Variants in FNDC3B observed in about 807,000 individuals in gnomAD.
The protein encoded by FNDC3B is fibronectin type III domain-containing protein 3B.
FNDC3B carries 12 observed loss-of-function variants against 151.5 expected under a neutral mutation model. The observed-to-expected ratio is 0.08, with a 90% confidence interval of 0.05 to 0.13. The LOEUF is 0.13. Among genes scored for constraint, FNDC3B ranks in the 10% least tolerant of loss-of-function variants. The pLI is 1.00. For synonymous variants in FNDC3B, 528 were observed against 549.0 expected, an observed-to-expected ratio of 0.96 and a Z score of 0.54; for missense variants, 1,214 against 1,505.3, an observed-to-expected ratio of 0.81 and a Z score of 3.20.
chr3:172,338,728 T>TTTGTG (rs1379121986), intron 16 of FNDC3B, among the ~76,000 whole-genome samples: 1 of 151,580 alleles, frequency 6.6e-6, no homozygotes, highest in Non-Finnish European at 1.5e-5. Flanking sequence ...AAGGTTTTGT[T>TTTGTG]TTGTTTTGTT....
intron 11 of FNDC3B, among the ~76,000 whole-genome samples, chr3:172,315,206 G>A (rs963634808): frequency 3.3e-5 from 5 of 152,040 alleles, no homozygotes; most frequent in East Asian, 3.9e-4. Flanking sequence ...GTGAAACCTC[G>A]TCTCTACTAA....
intron 6 of FNDC3B, among the ~76,000 whole-genome samples, chr3:172,273,743 T>C (rs1729311046): frequency 6.6e-6 from 1 of 152,230 alleles, no homozygotes; most frequent in African/African-American, 2.4e-5. Flanking sequence ...CACCTCTTTA[T>C]CCTTACTGAA....
intron 1 of FNDC3B, among the ~76,000 whole-genome samples, chr3:172,066,080 T>C (rs989623616): frequency 1.3e-5 from 2 of 152,204 alleles, no homozygotes; most frequent in African/African-American, 4.8e-5. Flanking sequence ...GAAATGCAGG[T>C]AAGAAGCTTC....
At chr3:172,073,401 A>G (rs1034301122) in intron 1 of FNDC3B, among the ~76,000 whole-genome samples, 7 of 152,196 alleles carry the variant, frequency 4.6e-5, no homozygotes, top group African/African-American at 1.7e-4. Flanking sequence ...TAAGACAAAA[A>G]GTATTGGACA....
chr3:172,354,210 T>G (rs1733981896), intron 22 of FNDC3B, among the ~76,000 whole-genome samples: 1 of 152,104 alleles, frequency 6.6e-6, no homozygotes, highest in Non-Finnish European at 1.5e-5. Flanking sequence ...CAGTTTTACA[T>G]ACCCATTTCT....
At chr3:172,041,425 C>CT (rs1560378084) in intron 1 of FNDC3B, among the ~76,000 whole-genome samples, 273 of 115,072 alleles carry the variant, frequency 2.4e-3, no homozygotes, top group East Asian at 0.021. Flanking sequence ...TTCCTTCCTT[C>CT]CTTCCTTCCT....
At chr3:172,194,081 G>A (rs574978416) in intron 3 of FNDC3B, among the ~76,000 whole-genome samples, 78 of 152,156 alleles carry the variant, frequency 5.1e-4, no homozygotes, top group African/African-American at 1.5e-3. Flanking sequence ...TTAGCTGGGC[G>A]AGGTGGCGGG....
At chr3:172,226,414 A>C (rs1726584164) in intron 3 of FNDC3B, among the ~76,000 whole-genome samples, 1 of 152,160 alleles carries the variant, frequency 6.6e-6, no homozygotes, top group South Asian at 2.1e-4. Context: ...GTAATTTATT[A>C]AAAATAATCT....
At position 172,389,650 on chromosome 3, in the gene FNDC3B, G is replaced by C. The variant is rs138265344; in HGVS notation, c.3304-7514G>C. On this transcript the variant is annotated intron_variant, in intron 25 of 25. Coordinates refer to ENST00000415807, the MANE Select transcript of FNDC3B (RefSeq NM_022763.4). ...GGAGCCTGAGGCGGGTGGATCACAA[G>C]GTCAAGAGATTGAGACCATCCTGGC... is the stretch of plus-strand genomic sequence containing the variant. Among the ~76,000 whole-genome samples the C allele has an allele frequency of 5.3e-3, 805 of 152,236 alleles. 3 individuals are homozygous for C. The highest frequency in any genetic ancestry group is 8.7e-3 in the Non-Finnish European group (590 of 68,008).
In FNDC3B at chr3:172,339,306, G is replaced by A. The variant is rs961197108; in HGVS notation, c.1853-1807G>A. Among the ~76,000 whole-genome samples the A allele has an allele frequency of 5.9e-5, 9 of 151,892 alleles. No individual in the cohort carries two copies. In the East Asian group the frequency reaches 1.4e-3, roughly 23 times the overall value. The stretch of plus-strand genomic sequence containing the variant: ...CTGCTGGGCATGGTGGCTCACACCT[G>A]TAATCCCAGCACTTTAGGAGGCGAG... On this transcript the variant is annotated intron_variant, in intron 16 of 25. Transcript: ENST00000415807.
At chr3:172,240,041 T>G (rs1368522596) in intron 4 of FNDC3B, among the ~76,000 whole-genome samples, 1 of 151,824 alleles carries the variant, frequency 6.6e-6, no homozygotes, top group Non-Finnish European at 1.5e-5. Flanking sequence ...GCTAATATTT[T>G]TTTGTATTTT....
At chr3:172,067,069 G>A (rs796762305) in intron 1 of FNDC3B, among the ~76,000 whole-genome samples, 37 of 152,212 alleles carry the variant, frequency 2.4e-4, no homozygotes, top group African/African-American at 8.7e-4. Context: ...TTTCTAACTT[G>A]GTTCTTTCTC....
At chr3:172,070,817 C>T (rs1290899097) in intron 1 of FNDC3B, among the ~76,000 whole-genome samples, 1 of 152,152 alleles carries the variant, frequency 6.6e-6, no homozygotes, top group African/African-American at 2.4e-5. Context: ...TTCTCTGCTC[C>T]TTGCTGTAAT....
Position 172,175,376 on chromosome 3 carries a change from AG to A in FNDC3B, c.187+41832del, listed in dbSNP as rs1012643896. Among the ~76,000 whole-genome samples, 68 of 152,194 alleles carry A rather than the reference AG, an allele frequency of 4.5e-4. 1 individual carries two copies. The highest frequency in any genetic ancestry group is 1.6e-3 in the African/African-American group (66 of 41,528). ...AGGATTTTATAGTCCTATACGTGGT[AG>A]GTAGGCGGATGGGCGGGTGGTGGGG... On this transcript the variant is annotated intron_variant, in intron 3 of 25. Transcript: ENST00000415807.
At chr3:172,127,148 C>G (rs530248197) in intron 2 of FNDC3B, 2 of 451,604 alleles carry the variant, frequency 4.4e-6, no homozygotes, top group Admixed American at 4.8e-5. Flanking sequence ...TTTTACTTAA[C>G]TGAGAGACTT....
At chr3:172,168,838 G>A (rs1006405007) in intron 3 of FNDC3B, among the ~76,000 whole-genome samples, 2 of 149,678 alleles carry the variant, frequency 1.3e-5, no homozygotes, top group African/African-American at 4.9e-5. Context: ...TCAGCCTCCC[G>A]AGTAGCTGGG....
intron 6 of FNDC3B, among the ~76,000 whole-genome samples, chr3:172,257,957 G>A (rs1199502833): frequency 2.0e-5 from 3 of 152,150 alleles, no homozygotes; most frequent in Non-Finnish European, 4.4e-5. Context: ...GGAAAGCGGC[G>A]GGTGGGAGGC....
rs759213689 is a variant in FNDC3B, at chr3:172,353,039, C to T, written c.2751C>T (p.Thr917=). 8.7e-6 allele frequency: 14 copies of T among 1,614,108 alleles called. No individual in the cohort carries two copies. In the South Asian group the frequency reaches 1.1e-4, roughly 13 times the overall value. The change falls in exon 22 of 26, where the codon ACC becomes ACT. Residue 917 remains threonine (T), a synonymous_variant. Coordinates refer to ENST00000415807, the MANE Select transcript of FNDC3B (RefSeq NM_022763.4). ...LGDTSITVGN[T]TMHVMKDLLP... ...ACACTAGCATTACCGTGGGCAACAC[C>T]ACCATGCATGTTATGAAAGATCTCC...
At chr3:172,301,556 C>T (rs1730909790) in intron 9 of FNDC3B, 1 of 152,178 alleles carries the variant, frequency 6.6e-6, no homozygotes, top group Admixed American at 6.5e-5. Flanking sequence ...AATTTCATTA[C>T]TGGACAGCTG....
Sources: allele counts gnomAD v4.1 joint callset (sites outside exome capture counted in the v4.1 genomes callset), GRCh38; gene constraint gnomAD v4.1.1; transcripts MANE v1.5; gene names NCBI Gene and HGNC (gene_info 2026-07-23, HGNC 2026-07-21).